The following LRRIQ4 variants were observed in gnomAD, a reference collection of about 807,000 sequenced individuals.
The protein encoded by LRRIQ4 is leucine rich repeats and IQ motif containing 4.
In LRRIQ4, 21 loss-of-function variants were observed where a neutral mutation model predicts 40.1. The ratio of observed to expected loss-of-function variants is 0.52; its 90% CI spans 0.37 to 0.75. The LOEUF is 0.75. Among genes scored for constraint, LRRIQ4 ranks in the 30% least tolerant of loss-of-function variants. The pLI, the probability that LRRIQ4 is intolerant of heterozygous loss-of-function variation, is 0.00. For missense variants in LRRIQ4, 655 were observed against 660.0 expected, an observed-to-expected ratio of 0.99 and a Z score of 0.08; for synonymous variants, 277 against 277.1, an observed-to-expected ratio of 1.00 and a Z score of 0.00.
Position 169,822,013 on chromosome 3 carries a change from A to T in LRRIQ4, c.92A>T (p.Asp31Val). 2 of 1,578,308 alleles carry T rather than the reference A, an allele frequency of 1.3e-6. No homozygotes were observed. The highest frequency in any genetic ancestry group is 2.0e-5 in the Admixed American group (1 of 50,206). ...QHVNDRTFFI[D>V]ASNQSLTAIP... ...GTCAATGATAGAACATTTTTCATTGATGCCTCTAATCAGAGCTTGACTGCC... is the reference window on the plus strand; with the variant it reads ...GTCAATGATAGAACATTTTTCATTGTTGCCTCTAATCAGAGCTTGACTGCC... Residue 31 changes from aspartate (D) to valine (V), a missense_variant, in exon 2 of 6, where the codon GAT (aspartate) becomes GTT (valine). Coordinates refer to ENST00000340806, the MANE Select transcript of LRRIQ4 (RefSeq NM_001080460.3).
At chr3:169,829,785 A>G (rs9838444) in intron 3 of LRRIQ4, among the ~76,000 whole-genome samples, 73,971 of 152,128 alleles carry the variant, frequency 0.49, 19,164 homozygotes, top group East Asian at 0.69. Flanking sequence ...ATAGGCATAA[A>G]CCACCGTGTC....
chr3:169,837,553 G>C lies in LRRIQ4; in HGVS notation c.1605G>C (p.Lys535Asn). The stretch of plus-strand genomic sequence containing the variant: ...TCGGTGAACTACTAAAACCACAAAA[G>C]AAAGGAAAGACCTCTCCAAAAGATA... ...GKFGELLKPQ[K>N]KGKTSPKDKK... The change falls in exon 6 of 6, where the codon AAG becomes AAC. Residue 535 changes from lysine to asparagine, a missense_variant. Physicochemically the swap from Lys to Asn is moderately conservative, Grantham distance 94 (BLOSUM62 0). Transcript: ENST00000340806. 3 of 1,604,686 alleles carry C rather than the reference G, an allele frequency of 1.9e-6. No homozygotes were observed. The highest frequency in any genetic ancestry group is 2.6e-6 in the Non-Finnish European group (3 of 1,175,782).
rs375495668 is a variant in LRRIQ4, at chr3:169,822,276, G to T, written c.355G>T (p.Ala119Ser). ...SSLVVVSFLH[A>S]LRELRLYQTD... is the part of the protein sequence containing the mutation. ...CCTTGTCGTTGTCAGCTTCCTCCAC[G>T]CCCTGCGCGAGCTCCGGCTCTACCA... The change falls in exon 2 of 6, where the codon GCC (alanine) becomes TCC (serine). Residue 119 changes from alanine to serine, a missense_variant. Ala to Ser is a moderately conservative substitution (Grantham distance 99). Coordinates refer to ENST00000340806, the MANE Select transcript of LRRIQ4 (RefSeq NM_001080460.3). 4.3e-6 allele frequency: 7 copies of T among 1,612,672 alleles called. No individual in the cohort carries two copies. In the African/African-American group the frequency reaches 8.0e-5, roughly 18 times the overall value.
chr3:169,828,776 C>A lies in LRRIQ4; in HGVS notation c.1038C>A (p.Gly346=), dbSNP rs1402793825. Residue 346 remains glycine, a synonymous_variant, in exon 3 of 6, where the codon GGC becomes GGA. Coordinates refer to ENST00000340806, the MANE Select transcript of LRRIQ4 (RefSeq NM_001080460.3). ...ACTTCTAGTTACCTTCAGAATTGGG[C>A]TCACTTTCAAAACTGAAGATACTTG... ...NKIGQLPSEL[G]SLSKLKILGL... 1 of 1,612,252 alleles carries A rather than the reference C, an allele frequency of 6.2e-7. No individual in the cohort carries two copies. The highest frequency in any genetic ancestry group is 1.3e-5 in the African/African-American group (1 of 74,778).
intron 1 of LRRIQ4, among the ~76,000 whole-genome samples, chr3:169,815,918 C>T (rs1779759371): frequency 6.6e-6 from 1 of 152,174 alleles, no homozygotes; most frequent in Non-Finnish European, 1.5e-5. Flanking sequence ...GTCCTTCATT[C>T]TGTTGATAGG....
In LRRIQ4 at chr3:169,830,611, T is replaced by A. The variant is rs1418829295; in HGVS notation, c.1314T>A (p.Asp438Glu). The part of the protein sequence containing the change: ...CRHNLLKQLP[D>E]AICQAQALKE... ...ACAATTTGCTTAAGCAACTTCCAGA[T>A]GCCATTTGCCAAGCACAAGGTGAGG... Residue 438 changes from aspartate to glutamate, a missense_variant, in exon 4 of 6, where the codon GAT becomes GAA. Transcript: ENST00000340806. 1 of 1,613,806 alleles carries A rather than the reference T, an allele frequency of 6.2e-7. No individual in the cohort carries two copies. The highest frequency in any genetic ancestry group is 8.5e-7 in the Non-Finnish European group (1 of 1,179,874).
At chr3:169,823,762 C>G (rs1171568574) in intron 2 of LRRIQ4, among the ~76,000 whole-genome samples, 1 of 152,170 alleles carries the variant, frequency 6.6e-6, no homozygotes, top group Non-Finnish European at 1.5e-5. Flanking sequence ...AACTGCAAAA[C>G]CAGACTTGTC....
In LRRIQ4 at chr3:169,822,140, C is replaced by T. The variant is rs1421634806; in HGVS notation, c.219C>T (p.Ile73=). 1 of 1,613,068 alleles carries T rather than the reference C, an allele frequency of 6.2e-7. No individual in the cohort carries two copies. Among genetic ancestry groups the T allele is most frequent in the East Asian group, 2.2e-5 (1 of 44,888 alleles). ...IPQEIQRLKN[I]RVLYLDKNNL... ...AGGAGATTCAGCGTTTAAAGAACAT[C>T]AGGGTCCTCTACCTGGATAAGAACA... Residue 73 remains isoleucine (I), a synonymous_variant, in exon 2 of 6, where the codon ATC becomes ATT. Coordinates refer to ENST00000340806, the MANE Select transcript of LRRIQ4 (RefSeq NM_001080460.3).
intron 5 of LRRIQ4, among the ~76,000 whole-genome samples, chr3:169,834,232 C>T (rs1171960192): frequency 2.0e-5 from 3 of 151,972 alleles, no homozygotes; most frequent in Admixed American, 1.3e-4. Flanking sequence ...CATGGTGGTG[C>T]GTGCCTGTAA....
In LRRIQ4 at chr3:169,837,495, G is replaced by A. The variant is rs534963520; in HGVS notation, c.1547G>A (p.Arg516His). The change falls in exon 6 of 6, where the codon CGT (arginine) becomes CAT (histidine). Residue 516 changes from arginine (R) to histidine (H), a missense_variant. Physicochemically the swap from Arg to His is conservative, Grantham distance 29 (BLOSUM62 0). Coordinates refer to ENST00000340806, the MANE Select transcript of LRRIQ4 (RefSeq NM_001080460.3). ...TGTTTTCAGATTCAGGCATGGTGGC[G>A]TGGAACAATGGTACAGAGAGGATTT... ...IMATKIQAWWRGTMVQRGFGK... is the reference protein window; with the variant it reads ...IMATKIQAWWHGTMVQRGFGK... 35 of 1,607,216 alleles carry A rather than the reference G, an allele frequency of 2.2e-5. No individual in the cohort carries two copies. Among genetic ancestry groups the A allele is most frequent in the Middle Eastern group, 1.7e-4 (1 of 6,060 alleles).
At chr3:169,830,283 A>G (rs1780131843) in intron 3 of LRRIQ4, among the ~76,000 whole-genome samples, 1 of 149,842 alleles carries the variant, frequency 6.7e-6, no homozygotes, top group South Asian at 2.1e-4. Context: ...AACTAAGTCT[A>G]ATGGATTTAC....
At chr3:169,815,701 A>G (rs1779750840) in intron 1 of LRRIQ4, among the ~76,000 whole-genome samples, 1 of 152,228 alleles carries the variant, frequency 6.6e-6, no homozygotes, top group Non-Finnish European at 1.5e-5. Context: ...TAAAGTGGGC[A>G]TCCTTATATT....
chr3:169,815,528 AT>A (rs948479657), intron 1 of LRRIQ4, among the ~76,000 whole-genome samples: 9 of 151,880 alleles, frequency 5.9e-5, no homozygotes, highest in African/African-American at 1.5e-4. Context: ...CATTCTAATA[AT>A]TTTTTTTGGT....
intron 1 of LRRIQ4, among the ~76,000 whole-genome samples, chr3:169,814,693 C>T (rs550884575): frequency 1.3e-5 from 2 of 152,266 alleles, no homozygotes; most frequent in African/African-American, 4.8e-5. Flanking sequence ...CCATGTTGGC[C>T]AGGCTGGTCT....
At chr3:169,832,131 CT>C (rs1481493370) in intron 4 of LRRIQ4, among the ~76,000 whole-genome samples, 1 of 151,880 alleles carries the variant, frequency 6.6e-6, no homozygotes, top group Non-Finnish European at 1.5e-5. Flanking sequence ...ATTTTTCTGT[CT>C]CTAATATTTA....
In LRRIQ4 at chr3:169,822,549, C is replaced by G. The variant is rs748226398; in HGVS notation, c.628C>G (p.Leu210Val). 1 of 1,613,932 alleles carries G rather than the reference C, an allele frequency of 6.2e-7. No homozygotes were observed. The highest frequency in any genetic ancestry group is 2.2e-5 in the East Asian group (1 of 44,888). ...TGCCATCCCAGAAGAGATCGGACAC[C>G]TGACGGGGCTGCAGAAGTTCTATAT... ...IGAIPEEIGH[L>V]TGLQKFYMAS... The change falls in exon 2 of 6, where the codon CTG becomes GTG. Residue 210 changes from leucine (L) to valine (V), a missense_variant. By Grantham distance (32) the Leu-to-Val change is conservative (BLOSUM62 1). Coordinates refer to ENST00000340806, the MANE Select transcript of LRRIQ4 (RefSeq NM_001080460.3).
chr3:169,831,385 TGCCTCA>T (rs1225934477), intron 4 of LRRIQ4, among the ~76,000 whole-genome samples: 2 of 139,018 alleles, frequency 1.4e-5, no homozygotes, highest in Non-Finnish European at 3.1e-5. Context: ...GCTATTCTTC[TGCCTCA>T]GCCTCCTGAG....
At chr3:169,834,616 A>G (rs1263049374) in intron 5 of LRRIQ4, among the ~76,000 whole-genome samples, 1 of 152,216 alleles carries the variant, frequency 6.6e-6, no homozygotes, top group Non-Finnish European at 1.5e-5. Context: ...ATCCAGTGGA[A>G]ACTGAATATC....
At position 169,822,473 on chromosome 3, in the gene LRRIQ4, C is replaced by T. The variant is rs775118854; in HGVS notation, c.552C>T (p.Leu184=). 6 of 1,613,930 alleles carry T rather than the reference C, an allele frequency of 3.7e-6. No individual in the cohort carries two copies. In the Admixed American group the frequency reaches 5.0e-5, roughly 13 times the overall value. The change falls in exon 2 of 6, where the codon CTC becomes CTT. Residue 184 remains leucine (L), a synonymous_variant. Transcript: ENST00000340806. ...AGTTTGAAGTTTTCCCCCAGGAGCT[C>T]TGTGTTCTCTACACCCTGGAAATCA... The part of the protein sequence containing the change: ...RNQFEVFPQE[L]CVLYTLEIID...
Sources: gnomAD v4.1 joint callset for allele counts (sites outside exome capture counted in the v4.1 genomes callset) on GRCh38, gnomAD v4.1.1 for gene constraint, MANE v1.5 for transcripts, NCBI Gene and HGNC (gene_info 2026-07-23, HGNC 2026-07-21) for gene names.